LAPTM4B: variants seen among roughly 807,000 people sequenced by gnomAD.
LAPTM4B encodes the protein lysosomal protein transmembrane 4 beta.
Under a neutral mutation model 28.5 loss-of-function variants are expected in LAPTM4B, and 26 were observed. The ratio of observed to expected loss-of-function variants is 0.91; its 90% CI spans 0.67 to 1.27. The LOEUF is 1.27. Ranked by LOEUF, LAPTM4B falls within the 50% of genes most tolerant of loss-of-function variation. The pLI, the probability that LAPTM4B is intolerant of heterozygous loss-of-function variation, is 0.00. For missense variants in LAPTM4B, 288 were observed against 285.8 expected, an observed-to-expected ratio of 1.01 and a Z score of -0.06; for synonymous variants, 109 against 106.4, an observed-to-expected ratio of 1.02 and a Z score of -0.15.
chr8:97,812,273 A>G (rs1467069088), intron 2 of LAPTM4B, among the ~76,000 whole-genome samples: 2 of 136,648 alleles, frequency 1.5e-5, no homozygotes, highest in East Asian at 2.2e-4. Flanking sequence ...AGGCTGGAGT[A>G]CAGTGCTGCT....
At chr8:97,803,749 G>A (rs532115781) in intron 1 of LAPTM4B, among the ~76,000 whole-genome samples, 1 of 152,248 alleles carries the variant, frequency 6.6e-6, no homozygotes, top group Admixed American at 6.5e-5. Context: ...GGGCTCAGGC[G>A]ATCCTCCCAC....
At chr8:97,794,680 C>A (rs1017315349) in intron 1 of LAPTM4B, among the ~76,000 whole-genome samples, 2 of 152,140 alleles carry the variant, frequency 1.3e-5, no homozygotes, top group Non-Finnish European at 2.9e-5. Context: ...AAATGAGAGG[C>A]ATACCTGCCA....
At position 97,816,161 on chromosome 8, in the gene LAPTM4B, A is replaced by G; in HGVS notation, c.389A>G (p.Gln130Arg). ...ITVLIYPNSI[Q>R]EYIRQLPPNF... ...GTGCTTATTTATCCAAACTCCATTC[A>G]GGAATACATACGGCAACTGGTACGT... Residue 130 changes from glutamine to arginine, a missense_variant, in exon 4 of 7, where the codon CAG (glutamine) becomes CGG (arginine). Coordinates refer to ENST00000521545, the MANE Select transcript of LAPTM4B (RefSeq NM_018407.6). 1 of 1,612,928 alleles carries G rather than the reference A, an allele frequency of 6.2e-7. No homozygotes were observed. Among genetic ancestry groups the G allele is most frequent in the Non-Finnish European group, 8.5e-7 (1 of 1,179,730 alleles).
In LAPTM4B at chr8:97,830,448, A is replaced by C. The variant is rs149811953; in HGVS notation, c.603+5295A>C. Among the ~76,000 whole-genome samples the C allele has an allele frequency of 5.8e-4, 88 of 152,298 alleles. No individual in the cohort carries two copies. In the East Asian group the frequency reaches 0.016, roughly 28 times the overall value. On this transcript the variant is annotated intron_variant, in intron 6 of 6. Coordinates refer to ENST00000521545, the MANE Select transcript of LAPTM4B (RefSeq NM_018407.6). Reference sequence around the variant, plus strand: ...AAGCGTGAGCCGGCAATGTAGACAAAAGCAGGGCATTTAGAAGTAGGCAAG... The same window carrying C: ...AAGCGTGAGCCGGCAATGTAGACAACAGCAGGGCATTTAGAAGTAGGCAAG...
intron 2 of LAPTM4B, among the ~76,000 whole-genome samples, chr8:97,806,838 T>G (rs540137941): frequency 6.6e-6 from 1 of 152,230 alleles, no homozygotes; most frequent in Admixed American, 6.5e-5. Flanking sequence ...GTGCCTGTAA[T>G]CCCAGCTACT....
chr8:97,813,449 G>A (rs958324132), intron 2 of LAPTM4B, among the ~76,000 whole-genome samples: 1 of 46,794 alleles, frequency 2.1e-5, no homozygotes, highest in African/African-American at 5.8e-5. Flanking sequence ...ACAGATTGAG[G>A]GTGGGTCTTC....
intron 6 of LAPTM4B, among the ~76,000 whole-genome samples, chr8:97,848,384 A>G (rs1195529670): frequency 6.6e-6 from 1 of 151,712 alleles, no homozygotes; most frequent in East Asian, 1.9e-4. Flanking sequence ...TATTTTGACA[A>G]AAGGCAGATT....
At chr8:97,797,563 T>C (rs1816610503) in intron 1 of LAPTM4B, among the ~76,000 whole-genome samples, 1 of 152,362 alleles carries the variant, frequency 6.6e-6, no homozygotes, top group East Asian at 1.9e-4. Flanking sequence ...TAATATTCAG[T>C]CATTCTACTT....
At chr8:97,803,301 C>T (rs1013571923) in intron 1 of LAPTM4B, among the ~76,000 whole-genome samples, 4 of 151,514 alleles carry the variant, frequency 2.6e-5, no homozygotes, top group Non-Finnish European at 2.9e-5. Context: ...TCCCCTGAGA[C>T]AGGGTCTCAC....
intron 1 of LAPTM4B, among the ~76,000 whole-genome samples, chr8:97,780,685 C>G (rs75179380): frequency 0.029 from 4,473 of 152,114 alleles, 200 homozygotes; most frequent in African/African-American, 0.1. Flanking sequence ...GCTTAGAGAA[C>G]TTTGGTGATT....
chr8:97,834,158 A>AAAAAAAAAAAAAAAAAAAAAAAAAC (rs1817226479), intron 6 of LAPTM4B, among the ~76,000 whole-genome samples: 1 of 150,000 alleles, frequency 6.7e-6, no homozygotes, highest in African/African-American at 2.4e-5. Context: ...AAAAAAAAAA[A>AAAAAAAAAAAAAAAAAAAAAAAAAC]TCCAGGTGGC....
Position 97,851,552 on chromosome 8 carries a change from GC to G in LAPTM4B, c.*80del, listed in dbSNP as rs1817524364. The G allele has an allele frequency of 9.1e-7, 1 of 1,094,292 alleles. No individual in the cohort carries two copies. The highest frequency in any genetic ancestry group is 1.4e-6 in the Non-Finnish European group (1 of 716,156). 67.8% of individuals were successfully genotyped at this position (1,094,292 alleles called of 1,614,324 possible). A position where few individuals can be genotyped will look rare whatever the true frequency, so the allele number is the denominator to read the frequency against. On this transcript the variant is annotated 3_prime_UTR_variant, in exon 7 of 7. Transcript: ENST00000521545. ...GCAATAGTTCTGTTATTTCACTTTT[GC>G]CATGAGCCTCTCTGAGCTTGTTTGT...
intron 1 of LAPTM4B, among the ~76,000 whole-genome samples, chr8:97,786,553 A>G (rs1445723485): frequency 2.6e-5 from 4 of 151,826 alleles, no homozygotes; most frequent in African/African-American, 9.7e-5. Flanking sequence ...AATACAAAAA[A>G]ATAGGCATGG....
rs1387602667 is a variant in LAPTM4B at position 97,805,522 on chromosome 8, C to G, written c.211+58C>G. On this transcript the variant is annotated intron_variant, in intron 2 of 6. Transcript: ENST00000521545. ...CAGGGAATCTGACTGCCAGCACTTC[C>G]TATTAAATTACAAATATAGACTCGT... is the stretch of plus-strand genomic sequence containing the variant. The G allele has an allele frequency of 4.4e-6, 4 of 918,520 alleles. No individual in the cohort carries two copies. The Admixed American group carries it at 7.3e-5, about 17-fold the overall frequency. The allele number at this position is 918,520 out of a possible 1,614,324, so 56.9% of individuals were successfully genotyped here. A position where few individuals can be genotyped will look rare whatever the true frequency, so the allele number is the denominator to read the frequency against.
In LAPTM4B at chr8:97,800,305, C is replaced by G. The variant is rs537318326; in HGVS notation, c.100-5048C>G. On this transcript the variant is annotated intron_variant, in intron 1 of 6. Transcript: ENST00000521545. ...TGTCTTAACACTGGCTTTAGAAGAT[C>G]TAGAAAACTAGTAACCAAGAGCTTT... is the stretch of plus-strand genomic sequence containing the variant. Among the ~76,000 whole-genome samples the G allele has an allele frequency of 3.3e-5, 5 of 152,152 alleles. No homozygotes were observed. The South Asian group carries it at 8.3e-4, about 25-fold the overall frequency.
chr8:97,849,634 C>T (rs1817489181), intron 6 of LAPTM4B, among the ~76,000 whole-genome samples: 1 of 152,252 alleles, frequency 6.6e-6, no homozygotes, highest in South Asian at 2.1e-4. Context: ...TGGCGCATTG[C>T]CTTTGCCTGT....
At chr8:97,837,112 A>G (rs1817271441) in intron 6 of LAPTM4B, among the ~76,000 whole-genome samples, 1 of 151,956 alleles carries the variant, frequency 6.6e-6, no homozygotes, top group Non-Finnish European at 1.5e-5. Context: ...CTAAGGGGGA[A>G]TGGGAGTGGA....
intron 2 of LAPTM4B, among the ~76,000 whole-genome samples, chr8:97,811,413 A>C (rs1159693458): frequency 6.6e-6 from 1 of 152,244 alleles, no homozygotes; most frequent in Non-Finnish European, 1.5e-5. Context: ...AGAATGGGCA[A>C]AAATGAAGCA....
In LAPTM4B at chr8:97,781,278, C is replaced by CTTTTTTTTTTTTTTTTT. The variant is rs71271147; in HGVS notation, c.99+5175_99+5191dup. On this transcript the variant is annotated intron_variant, in intron 1 of 6. Transcript: ENST00000521545. ...ACAGGCGTGAGCCACTGTGCCCGGCCTTTTTTTTTTTTTTTTTTTTTGAGG... is the reference window on the plus strand; with the variant it reads ...ACAGGCGTGAGCCACTGTGCCCGGCCTTTTTTTTTTTTTTTTTTTTTTTTTTTTTTTTTTTTTTGAGG... Among the ~76,000 whole-genome samples, 35 of 50,840 alleles carry CTTTTTTTTTTTTTTTTT rather than the reference C, an allele frequency of 6.9e-4. 5 individuals are homozygous for CTTTTTTTTTTTTTTTTT. The highest frequency in any genetic ancestry group is 3.5e-3 in the African/African-American group (32 of 9,048). 33.4% of individuals were successfully genotyped at this position (50,840 alleles called of 152,430 possible).
Sources: allele counts gnomAD v4.1 joint callset (sites outside exome capture counted in the v4.1 genomes callset), GRCh38; gene constraint gnomAD v4.1.1; transcripts MANE v1.5; gene names NCBI Gene and HGNC (gene_info 2026-07-23, HGNC 2026-07-21).